The following SNX8 variants were observed in gnomAD, a reference collection of about 807,000 sequenced individuals.
The protein encoded by SNX8 is sorting nexin-8.
SNX8 carries 25 observed loss-of-function variants against 51.6 expected under a neutral mutation model. That is an observed-to-expected ratio of 0.48 (90% CI 0.35 to 0.68). The LOEUF (loss-of-function observed/expected upper bound fraction) is 0.68. Among genes scored for constraint, SNX8 ranks in the 30% least tolerant of loss-of-function variants. The pLI is 0.00. For missense variants in SNX8, 695 were observed against 624.0 expected, an observed-to-expected ratio of 1.11 and a Z score of -1.21; for synonymous variants, 324 against 277.0, an observed-to-expected ratio of 1.17 and a Z score of -1.68.
At chr7:2,321,333 G>A (rs971467203) in intron 1 of SNX8, among the ~76,000 whole-genome samples, 1 of 152,194 alleles carries the variant, frequency 6.6e-6, no homozygotes, top group Non-Finnish European at 1.5e-5. Flanking sequence ...AGAGTGCCTT[G>A]GGAATGTGCA....
At chr7:2,293,799 C>G (rs1429026926) in intron 1 of SNX8, among the ~76,000 whole-genome samples, 1 of 137,378 alleles carries the variant, frequency 7.3e-6, no homozygotes, top group African/African-American at 2.8e-5. Context: ...CCCGTCTCTA[C>G]TAAAAATACA....
At chr7:2,346,209 G>A (rs981170134) in intron 1 of SNX8, among the ~76,000 whole-genome samples, 5 of 151,444 alleles carry the variant, frequency 3.3e-5, no homozygotes, top group Non-Finnish European at 5.9e-5. Context: ...AGGAACAGAG[G>A]AGAAAATATA....
chr7:2,348,481 C>G (rs956013779), intron 1 of SNX8, among the ~76,000 whole-genome samples: 1 of 151,774 alleles, frequency 6.6e-6, no homozygotes, highest in Non-Finnish European at 1.5e-5. Context: ...GCTGGGACTA[C>G]AGGCGCCCGC....
intron 1 of SNX8, among the ~76,000 whole-genome samples, chr7:2,320,302 G>C (rs1316407068): frequency 1.3e-5 from 2 of 152,034 alleles, no homozygotes; most frequent in African/African-American, 4.8e-5. Context: ...TTGTGGGGGA[G>C]GATTTTTTTT....
intron 1 of SNX8, chr7:2,299,535 C>A (rs932018918): frequency 6.6e-6 from 1 of 152,094 alleles, no homozygotes; most frequent in Non-Finnish European, 1.5e-5. Context: ...GGAGGCCCAG[C>A]GATTTGTTCC....
intron 1 of SNX8, among the ~76,000 whole-genome samples, chr7:2,313,523 CAAAA>C (rs371626274): frequency 9.3e-6 from 1 of 108,094 alleles, no homozygotes; most frequent in Non-Finnish European, 2.2e-5. Flanking sequence ...GAATCTGTCT[CAAAA>C]AAAAAAAAAA....
At chr7:2,284,396 C>CTTTTTTTTTTTTTTTTTTTTTTTTTTTT (rs751803296) in intron 1 of SNX8, among the ~76,000 whole-genome samples, 2 of 88,908 alleles carry the variant, frequency 2.2e-5, no homozygotes, top group Non-Finnish European at 4.1e-5. Flanking sequence ...CTTTTATTTC[C>CTTTTTTTTTTTTTTTTTTTTTTTTTTTT]TTTTTTTTTT....
rs1796554432 is a variant in SNX8, at chr7:2,306,810, A to G, written c.94+7518T>C. Among the ~76,000 whole-genome samples the G allele has an allele frequency of 2.0e-5, 3 of 152,336 alleles. No individual in the cohort carries two copies. In the South Asian group the frequency reaches 6.2e-4, roughly 32 times the overall value. On this transcript the variant is annotated intron_variant, in intron 1 of 10. Transcript: ENST00000222990. ...AAATTTTCTGAAAGCACCAATTCAC[A>G]CAACAACAGCGCATTACTGGGTCTG...
intron 1 of SNX8, among the ~76,000 whole-genome samples, chr7:2,300,956 T>C (rs542959409): frequency 4.5e-4 from 68 of 152,242 alleles, no homozygotes; most frequent in African/African-American, 1.6e-3. Context: ...GTTGTGGAGC[T>C]TAAACCCAAC....
chr7:2,295,263 G>A (rs969361049), intron 1 of SNX8, among the ~76,000 whole-genome samples: 1 of 151,850 alleles, frequency 6.6e-6, no homozygotes, highest in Non-Finnish European at 1.5e-5. Flanking sequence ...AATTAGCCAA[G>A]TGTGGTGGCA....
At chr7:2,303,545 G>A (rs1796464298) in intron 1 of SNX8, among the ~76,000 whole-genome samples, 1 of 152,346 alleles carries the variant, frequency 6.6e-6, no homozygotes, top group East Asian at 1.9e-4. Flanking sequence ...TTGAGAAATC[G>A]GATGGTTGCC....
intron 1 of SNX8, among the ~76,000 whole-genome samples, chr7:2,351,991 T>C (rs1280904757): frequency 1.5e-5 from 2 of 133,032 alleles, no homozygotes; most frequent in Non-Finnish European, 3.1e-5. Context: ...CACTACGCCC[T>C]CTGCCTCCAG....
At position 2,269,528 on chromosome 7, in the gene SNX8, AAAAAAAAAAAG is replaced by A. The variant is rs778628527; in HGVS notation, c.621+20_621+30del. Reference sequence around the variant, plus strand: ...TGATCAATAAAAAAATAAATTAAAAAAAAAAAAAAAGAAAAAAAAAAGAAAAATACCTTGGC... The same window carrying A: ...TGATCAATAAAAAAATAAATTAAAAAAAAAAAAAAAGAAAAATACCTTGGC... On this transcript the variant is annotated intron_variant, in intron 5 of 10. Transcript: ENST00000222990. The A allele has an allele frequency of 1.0e-3, 1,362 of 1,347,966 alleles. 2 individuals carry two copies. The highest frequency in any genetic ancestry group is 1.4e-3 in the South Asian group (98 of 70,768). The allele number at this position is 1,347,966 out of a possible 1,614,324, so 83.5% of individuals were successfully genotyped here. A position where few individuals can be genotyped will look rare whatever the true frequency, so the allele number is the denominator to read the frequency against.
chr7:2,289,521 G>A (rs144869819), intron 1 of SNX8, among the ~76,000 whole-genome samples: 6 of 152,114 alleles, frequency 3.9e-5, no homozygotes, highest in African/African-American at 9.6e-5. Context: ...ACACAGTTGC[G>A]ATCCATTAGT....
intron 2 of SNX8, among the ~76,000 whole-genome samples, chr7:2,275,915 G>A (rs993108384): frequency 4.0e-5 from 6 of 151,360 alleles, no homozygotes; most frequent in African/African-American, 7.3e-5. Context: ...GGAGAATGGC[G>A]TGAACCCGGG....
At chr7:2,313,787 A>G (rs1480508448) in intron 1 of SNX8, among the ~76,000 whole-genome samples, 13 of 152,210 alleles carry the variant, frequency 8.5e-5, no homozygotes, top group Admixed American at 6.5e-4. Flanking sequence ...CTTGAAAGAG[A>G]GAGAAAAGCA....
intron 1 of SNX8, among the ~76,000 whole-genome samples, chr7:2,343,457 C>T (rs1372681626): frequency 2.6e-5 from 4 of 151,890 alleles, no homozygotes; most frequent in South Asian, 2.1e-4. Context: ...GGGCGGATCA[C>T]GAGATCAGGA....
At chr7:2,347,496 A>AG (rs1312885620) in intron 1 of SNX8, among the ~76,000 whole-genome samples, 2 of 123,812 alleles carry the variant, frequency 1.6e-5, no homozygotes, top group Admixed American at 8.5e-5. Context: ...AAAAAAAAAA[A>AG]AAAGAAAAAA....
At position 2,266,163 on chromosome 7, in the gene SNX8, G is replaced by T. The variant is rs182948046; in HGVS notation, c.622-1705C>A. 3.5e-4 allele frequency among the ~76,000 whole-genome samples: 53 copies of T among 152,160 alleles called. 1 individual carries two copies. The highest frequency in any genetic ancestry group is 1.2e-3 in the African/African-American group (50 of 41,502). ...TTTTAATTTTTGTATGAAGAAGCAG[G>T]TTTTTTTCTGGTTTTTTTGTTGTTG... On this transcript the variant is annotated intron_variant, in intron 5 of 10. Coordinates refer to ENST00000222990, the MANE Select transcript of SNX8 (RefSeq NM_013321.4).
Sources: gnomAD v4.1 joint callset for allele counts (sites outside exome capture counted in the v4.1 genomes callset) on GRCh38, gnomAD v4.1.1 for gene constraint, MANE v1.5 for transcripts, NCBI Gene and HGNC (gene_info 2026-07-23, HGNC 2026-07-21) for gene names.